ATM: variants seen among roughly 807,000 people sequenced by gnomAD.
ATM encodes the protein serine-protein kinase ATM.
Under a neutral mutation model 387.0 loss-of-function variants are expected in ATM, and 308 were observed. That is an observed-to-expected ratio of 0.80 (90% confidence interval 0.73 to 0.87). ATM has a LOEUF of 0.87. Ranked by LOEUF, ATM falls within the 40% of genes least tolerant of loss-of-function variation. The probability of loss-of-function intolerance (pLI) is 0.00; values close to 1 mark genes in which losing one functional copy is unlikely to be tolerated. For synonymous variants in ATM, 1,156 were observed against 1,187.3 expected, an observed-to-expected ratio of 0.97 and a Z score of 0.54; for missense variants, 3,312 against 3,560.9, an observed-to-expected ratio of 0.93 and a Z score of 1.78.
chr11:108,251,288 A>C (rs1422873824), intron 10 of ATM, among the ~76,000 whole-genome samples: 2 of 152,220 alleles, frequency 1.3e-5, no homozygotes, highest in Non-Finnish European at 2.9e-5. Flanking sequence ...ATGTTAAGGA[A>C]TTTCTTTTTT....
chr11:108,303,163 C>T, intron 36 of ATM, 134 bp downstream of exon 36: 5 of 953,788 alleles, frequency 5.2e-6, no homozygotes, highest in Non-Finnish European at 7.8e-6. Flanking sequence ...AAGTGAGCAT[C>T]CGTATTTAGT....
chr11:108,269,451 C>T (rs548158617), intron 18 of ATM, among the ~76,000 whole-genome samples: 21 of 152,230 alleles, frequency 1.4e-4, no homozygotes, highest in Middle Eastern at 3.4e-3. Context: ...CAAATCCAAG[C>T]CAACATCACA....
chr11:108,327,836 T>G, intron 48 of ATM, 78 bp downstream of exon 48: 1 of 1,111,914 alleles, frequency 9.0e-7, no homozygotes, highest in Non-Finnish European at 1.3e-6. Context: ...TCAATATATT[T>G]CCAAAGCAAA....
Position 108,345,914 on chromosome 11 carries a change from C to G in ATM, c.8584+6C>G, listed in dbSNP as rs863224300. ...TGTAGCTACTTCTTCTATTGGTAAT[C>G]TTCTTGTACATATAGTAGATTGAGC... On this transcript the variant is annotated splice_donor_region_variant and intron_variant, in intron 58 of 62. Coordinates refer to ENST00000675843, the MANE Select transcript of ATM (RefSeq NM_000051.4). 4 of 1,613,416 alleles carry G rather than the reference C, an allele frequency of 2.5e-6. No homozygotes were observed. Among genetic ancestry groups the G allele is most frequent in the South Asian group, 1.1e-5 (1 of 91,038 alleles).
chr11:108,247,606 A>T (rs1030581746), intron 8 of ATM, among the ~76,000 whole-genome samples: 5 of 151,740 alleles, frequency 3.3e-5, no homozygotes, highest in Non-Finnish European at 5.9e-5. Context: ...TTTTATTTTT[A>T]TTTTTTTGAG....
chr11:108,326,331 G>C, intron 47 of ATM, 106 bp downstream of exon 47: 1 of 1,390,980 alleles, frequency 7.2e-7, no homozygotes, highest in Non-Finnish European at 9.7e-7. Context: ...CTTGAAATTA[G>C]TAATTTATTA....
chr11:108,284,801 G>A (rs572407642), intron 26 of ATM, among the ~76,000 whole-genome samples: 54 of 152,282 alleles, frequency 3.5e-4, no homozygotes, highest in African/African-American at 1.2e-3. Flanking sequence ...ATACTAAACA[G>A]TGTACAGAAA....
At chr11:108,277,381 G>A (rs916841034) in intron 22 of ATM, among the ~76,000 whole-genome samples, 8 of 152,144 alleles carry the variant, frequency 5.3e-5, no homozygotes, top group African/African-American at 1.4e-4. Flanking sequence ...GAATGGGTCC[G>A]TCTCGCTGGC....
chr11:108,293,581 TTGTG>T, intron 31 of ATM, 104 bp downstream of exon 31: 3 of 1,092,124 alleles, frequency 2.7e-6, no homozygotes, highest in Non-Finnish European at 4.1e-6. Context: ...TTTTCTTTAA[TTGTG>T]ATTAAAAATA....
chr11:108,301,498 T>C lies in ATM; in HGVS notation c.5178-150T>C, dbSNP rs4988035. ...TGAATGACTAGTGAAAGTCCTTTGA[T>C]ACTTTTATTTGATATTGGAGAATTT... is the stretch of plus-strand genomic sequence containing the variant. On this transcript the variant is annotated intron_variant, in intron 34 of 62. Transcript: ENST00000675843. The C allele has an allele frequency of 3.3e-3, 2,988 of 906,778 alleles. 68 individuals are homozygous for C. The African/African-American group carries it at 0.043, about 13-fold the overall frequency. 56.2% of individuals were successfully genotyped at this position (906,778 alleles called of 1,614,324 possible). A position where few individuals can be genotyped will look rare whatever the true frequency, so the allele number is the denominator to read the frequency against.
intron 5 of ATM, among the ~76,000 whole-genome samples, chr11:108,241,224 T>G (rs932679030): frequency 3.8e-4 from 58 of 152,184 alleles, no homozygotes; most frequent in Non-Finnish European, 8.8e-5. Flanking sequence ...AATGGTGCTT[T>G]ATTCTGAAAT....
chr11:108,326,197 T>G lies in ATM; in HGVS notation c.6947T>G (p.Ile2316Ser). The G allele has an allele frequency of 6.2e-7, 1 of 1,614,074 alleles. No individual in the cohort carries two copies. The highest frequency in any genetic ancestry group is 8.5e-7 in the Non-Finnish European group (1 of 1,179,996). Residue 2316 changes from isoleucine to serine, a missense_variant, in exon 47 of 63, where the codon ATC becomes AGC. Ile to Ser is a moderately radical substitution (Grantham distance 142, BLOSUM62 -2). Transcript: ENST00000675843. ...GCCCTGAGTATTCTCAAGCAAATGA[T>G]CAAGAAGTTGGATGCCAGCTGTGCA... ...SLALSILKQM[I>S]KKLDASCAAN...
chr11:108,236,878 G>T (rs1448636639), intron 5 of ATM, among the ~76,000 whole-genome samples: 3 of 152,090 alleles, frequency 2.0e-5, no homozygotes, highest in African/African-American at 7.2e-5. Flanking sequence ...AGCATTTCTG[G>T]GTTTGAGAAT....
rs1336482976 is a variant in ATM, at chr11:108,286,685, G to GT, written c.3994-911dup. On this transcript the variant is annotated intron_variant, in intron 26 of 62. Coordinates refer to ENST00000675843, the MANE Select transcript of ATM (RefSeq NM_000051.4). ...TGTTACTTGAGCATGGAAAGTTGGGGTTTTCCTTTTGATTTCGTTCTAGGA... is the reference window on the plus strand; with the variant it reads ...TGTTACTTGAGCATGGAAAGTTGGGGTTTTTCCTTTTGATTTCGTTCTAGGA... 3.3e-5 allele frequency among the ~76,000 whole-genome samples: 5 copies of GT among 152,240 alleles called. No individual in the cohort carries two copies. In the East Asian group the frequency reaches 9.7e-4, roughly 29 times the overall value.
intron 43 of ATM, 87 bp from the exon 44 acceptor site, chr11:108,319,867 A>T: frequency 1.1e-6 from 1 of 926,156 alleles, no homozygotes; most frequent in Admixed American, 2.3e-5. Flanking sequence ...TTAATTTAAA[A>T]ATTTTGTCCT....
chr11:108,239,605 T>C (rs1053167361), intron 5 of ATM, among the ~76,000 whole-genome samples: 4 of 152,222 alleles, frequency 2.6e-5, no homozygotes, highest in African/African-American at 9.6e-5. Flanking sequence ...GCCGTGAACA[T>C]GAGTATACAT....
chr11:108,315,406 TG>T (rs2084536030), intron 40 of ATM, among the ~76,000 whole-genome samples: 1 of 152,244 alleles, frequency 6.6e-6, no homozygotes, highest in Non-Finnish European at 1.5e-5. Context: ...GTAATAGATT[TG>T]TGTATATTTT....
At chr11:108,267,594 C>A (rs1232848673) in intron 17 of ATM, among the ~76,000 whole-genome samples, 1 of 152,054 alleles carries the variant, frequency 6.6e-6, no homozygotes, top group Non-Finnish European at 1.5e-5. Flanking sequence ...CATGGTGGCT[C>A]ACGCTTGTAA....
rs2085972658 is a variant in ATM, at chr11:108,329,020, G to A, written c.7090-1G>A. 6.2e-7 allele frequency: 1 copy of A among 1,613,300 alleles called. No homozygotes were observed. Among genetic ancestry groups the A allele is most frequent in the South Asian group, 1.1e-5 (1 of 91,044 alleles). ...TTTAAATTGGTTGTGTTTTCTTGAAGGCAGTAGAAGTTGCTGGAAATTATG... is the reference window on the plus strand; with the variant it reads ...TTTAAATTGGTTGTGTTTTCTTGAAAGCAGTAGAAGTTGCTGGAAATTATG... On this transcript the variant is annotated splice_acceptor_variant, in intron 48 of 62. Coordinates refer to ENST00000675843, the MANE Select transcript of ATM (RefSeq NM_000051.4). LOFTEE classifies it high-confidence loss of function.
Sources: gnomAD v4.1 joint callset for allele counts (sites outside exome capture counted in the v4.1 genomes callset) on GRCh38, gnomAD v4.1.1 for gene constraint, MANE v1.5 for transcripts, NCBI Gene and HGNC (gene_info 2026-07-23, HGNC 2026-07-21) for gene names.